The following SLC30A4 variants were observed in gnomAD, a reference collection of about 807,000 sequenced individuals.
SLC30A4 encodes probable proton-coupled zinc antiporter SLC30A4.
In SLC30A4, 20 loss-of-function variants were observed where a neutral mutation model predicts 41.7. The ratio of observed to expected loss-of-function variants is 0.48; its 90% CI spans 0.34 to 0.70. The LOEUF (loss-of-function observed/expected upper bound fraction) is 0.70. Among genes scored for constraint, SLC30A4 ranks in the 30% least tolerant of loss-of-function variants. The pLI is 0.01. For missense variants in SLC30A4, 441 were observed against 529.3 expected, an observed-to-expected ratio of 0.83 and a Z score of 1.64; for synonymous variants, 181 against 195.9, an observed-to-expected ratio of 0.92 and a Z score of 0.64.
rs759918845 is a variant in SLC30A4, at chr15:45,522,097, A to C, written c.258T>G (p.Ser86Arg). The change falls in exon 2 of 8, where the codon AGT becomes AGG. Residue 86 changes from serine to arginine, a missense_variant. Ser to Arg is a moderately radical substitution (Grantham distance 110, BLOSUM62 -1). This residue lies in a region of SLC30A4 where 312 missense variants were observed against 341.9 expected (regional missense o/e 0.91). Coordinates refer to ENST00000261867, the MANE Select transcript of SLC30A4 (RefSeq NM_013309.6). ...AGGAGTCCACCTTCAAACTCAGCTG[A>C]CTGTTGGTCAAAGGTAAGTCTTGGT... ...LLDQDLPLTNSQLSLKVDSCD... is the reference protein window; with the variant it reads ...LLDQDLPLTNRQLSLKVDSCD... 17 of 1,614,082 alleles carry C rather than the reference A, an allele frequency of 1.1e-5. No homozygotes were observed. The highest frequency in any genetic ancestry group is 1.0e-4 in the Admixed American group (6 of 60,008).
chr15:45,498,904 A>T (rs1483533799), intron 3 of SLC30A4, among the ~76,000 whole-genome samples: 1 of 152,154 alleles, frequency 6.6e-6, no homozygotes, highest in Non-Finnish European at 1.5e-5. Flanking sequence ...TTTTCTATCC[A>T]TAGAGCAAGA....
At position 45,481,592 on chromosome 15, in the gene SLC30A4, T is replaced by A. The variant is rs1160986429; in HGVS notation, c.*3571A>T. The A allele has an allele frequency of 6.6e-6, 1 of 152,204 alleles. No individual in the cohort carries two copies. Among genetic ancestry groups the A allele is most frequent in the African/African-American group, 2.4e-5 (1 of 41,454 alleles). 9.4% of individuals were successfully genotyped at this position (152,204 alleles called of 1,614,324 possible). ...ATAATCTGTTTTCCCAGTGCAAAAT[T>A]AATAATGCTATGTGTTCATCCAACT... is the stretch of plus-strand genomic sequence containing the variant. On this transcript the variant is annotated 3_prime_UTR_variant, in exon 8 of 8. Transcript: ENST00000261867.
intron 7 of SLC30A4, among the ~76,000 whole-genome samples, chr15:45,486,106 T>G (rs1187828222): frequency 6.6e-6 from 1 of 151,432 alleles, no homozygotes; most frequent in Non-Finnish European, 1.5e-5. Context: ...CACTGCAACC[T>G]CCGCTTCATG....
Position 45,522,175 on chromosome 15 carries a change from C to G in SLC30A4, c.180G>C (p.Arg60Ser). Residue 60 changes from arginine (R) to serine (S), a missense_variant, in exon 2 of 8, where the codon AGG (arginine) becomes AGC (serine). Around this residue, in one of 3 missense-constraint regions of SLC30A4, gnomAD observed 312 missense variants for 341.9 expected, o/e 0.91. Coordinates refer to ENST00000261867, the MANE Select transcript of SLC30A4 (RefSeq NM_013309.6). Reference protein sequence around the residue: ...VADDGSEAPERPVNGAHPTLQ... With the variant: ...VADDGSEAPESPVNGAHPTLQ... ...GGGTCGGGTGCGCCCCGTTAACAGG[C>G]CTTTCCGGGGCTTCGGAACCGTCAT... is the stretch of plus-strand genomic sequence containing the variant. 6.2e-7 allele frequency: 1 copy of G among 1,614,218 alleles called. No homozygotes were observed. The highest frequency in any genetic ancestry group is 8.5e-7 in the Non-Finnish European group (1 of 1,180,044).
intron 2 of SLC30A4, among the ~76,000 whole-genome samples, chr15:45,517,345 C>CTTTTTTTT (rs1166130286): frequency 6.1e-4 from 40 of 65,602 alleles, no homozygotes; most frequent in South Asian, 1.3e-3. Context: ...CCAATCCATT[C>CTTTTTTTT]TTTTTTTTTT....
chr15:45,518,016 T>A (rs148514874), intron 2 of SLC30A4, among the ~76,000 whole-genome samples: 39 of 152,328 alleles, frequency 2.6e-4, no homozygotes, highest in African/African-American at 8.4e-4. Flanking sequence ...AAATAAAAAC[T>A]ACACTCATCT....
At chr15:45,504,200 T>C (rs1213457822) in intron 3 of SLC30A4, among the ~76,000 whole-genome samples, 3 of 152,170 alleles carry the variant, frequency 2.0e-5, no homozygotes, top group African/African-American at 4.8e-5. Context: ...AAAACTAAAA[T>C]GTGAATAGCA....
intron 3 of SLC30A4, among the ~76,000 whole-genome samples, chr15:45,506,134 G>C (rs1377698269): frequency 1.3e-5 from 2 of 152,132 alleles, no homozygotes; most frequent in African/African-American, 4.8e-5. Flanking sequence ...TGGGAGGATT[G>C]CTTGAGCCTA....
At chr15:45,511,509 A>T (rs1892290828) in intron 2 of SLC30A4, among the ~76,000 whole-genome samples, 2 of 151,674 alleles carry the variant, frequency 1.3e-5, no homozygotes, top group Admixed American at 6.6e-5. Context: ...TTTGAGACAG[A>T]GTCTCACTCT....
chr15:45,505,732 G>A (rs1382825706), intron 3 of SLC30A4, among the ~76,000 whole-genome samples: 1 of 152,114 alleles, frequency 6.6e-6, no homozygotes, highest in African/African-American at 2.4e-5. Context: ...TGAGAAGCAG[G>A]ATATGAACAT....
At chr15:45,489,089 AAAAC>A in intron 4 of SLC30A4, 47 bp from the exon 5 acceptor site, 2 of 1,391,176 alleles carry the variant, frequency 1.4e-6, no homozygotes, top group Non-Finnish European at 2.0e-6. Flanking sequence ...AATATTGACA[AAAAC>A]ATTTGTCACT....
intron 3 of SLC30A4, among the ~76,000 whole-genome samples, chr15:45,496,357 A>C (rs945598436): frequency 4.6e-5 from 7 of 152,142 alleles, no homozygotes; most frequent in Admixed American, 2.0e-4. Flanking sequence ...TTCAATCAAC[A>C]ACCAAATTAT....
Position 45,484,407 on chromosome 15 carries a change from ATTTGAG to A in SLC30A4, c.*750_*755del, listed in dbSNP as rs1378179313. The A allele has an allele frequency of 2.0e-5, 3 of 152,216 alleles. No homozygotes were observed. The highest frequency in any genetic ancestry group is 1.3e-4 in the Admixed American group (2 of 15,280). The allele number at this position is 152,216 out of a possible 1,614,324, so 9.4% of individuals were successfully genotyped here. ...TTTTGTTTTAAATCATCATATAGTA[ATTTGAG>A]TTTAAGACTAACTTCAGCCATTCAG... On this transcript the variant is annotated 3_prime_UTR_variant, in exon 8 of 8. Coordinates refer to ENST00000261867, the MANE Select transcript of SLC30A4 (RefSeq NM_013309.6).
At chr15:45,489,077 C>T in intron 4 of SLC30A4, 35 bp from the exon 5 acceptor site, 1 of 1,472,764 alleles carries the variant, frequency 6.8e-7, no homozygotes, top group South Asian at 1.2e-5. Context: ...ATTATTTTTC[C>T]CAATATTGAC....
intron 2 of SLC30A4, among the ~76,000 whole-genome samples, chr15:45,518,737 G>GT (rs1226776431): frequency 2.2e-4 from 34 of 151,478 alleles, no homozygotes; most frequent in Admixed American, 6.6e-4. Flanking sequence ...TAAGTTTTTG[G>GT]TTTTTTTTGG....
chr15:45,496,970 T>A (rs909888755), intron 3 of SLC30A4: 2 of 151,854 alleles, frequency 1.3e-5, no homozygotes, highest in African/African-American at 4.8e-5. Flanking sequence ...AAGACTGTAG[T>A]GAGCCTTGAT....
chr15:45,489,078 C>A (rs767007812), intron 4 of SLC30A4, 36 bp from the exon 5 acceptor site: 4 of 1,469,716 alleles, frequency 2.7e-6, no homozygotes, highest in South Asian at 2.5e-5. Flanking sequence ...TTATTTTTCC[C>A]AATATTGACA....
Position 45,522,107 on chromosome 15 carries a change from A to G in SLC30A4, c.248T>C (p.Leu83Ser). 1.9e-6 allele frequency: 3 copies of G among 1,614,236 alleles called. No individual in the cohort carries two copies. The highest frequency in any genetic ancestry group is 8.5e-7 in the Non-Finnish European group (1 of 1,180,038). The change falls in exon 2 of 8, where the codon TTG (leucine) becomes TCG (serine). Residue 83 changes from leucine (L) to serine (S), a missense_variant. This residue lies in a region of SLC30A4 where 312 missense variants were observed against 341.9 expected (regional missense o/e 0.91). Transcript: ENST00000261867. ...DDSLLDQDLP[L>S]TNSQLSLKVD... Reference sequence around the variant, plus strand: ...CTTCAAACTCAGCTGACTGTTGGTCAAAGGTAAGTCTTGGTCCAGTAAGGA... The same window carrying G: ...CTTCAAACTCAGCTGACTGTTGGTCGAAGGTAAGTCTTGGTCCAGTAAGGA...
chr15:45,505,595 A>G (rs544020194), intron 3 of SLC30A4, among the ~76,000 whole-genome samples: 1 of 152,280 alleles, frequency 6.6e-6, no homozygotes, highest in South Asian at 2.1e-4. Context: ...AAGCTCTGAC[A>G]TTTTCAAACC....
Sources: gnomAD v4.1 joint callset for allele counts (sites outside exome capture counted in the v4.1 genomes callset) on GRCh38, gnomAD v4.1.1 for gene constraint, gnomAD v4.1.1 regional missense constraint, MANE v1.5 for transcripts, NCBI Gene and HGNC (gene_info 2026-07-23, HGNC 2026-07-21) for gene names.